The following CELF2 variants were observed in gnomAD, a reference collection of about 807,000 sequenced individuals.
CELF2 encodes CUG triplet repeat RNA-binding protein 2.
A neutral mutation model predicts 62.6 loss-of-function variants in CELF2; 8 were observed. The ratio of observed to expected loss-of-function variants is 0.13; its 90% confidence interval spans 0.07 to 0.23. The LOEUF is 0.23. Among genes scored for constraint, CELF2 ranks in the 10% least tolerant of loss-of-function variants. The pLI is 1.00. For synonymous variants in CELF2, 258 were observed against 250.0 expected (o/e 1.03, Z -0.30); for missense variants, 333 against 671.0 (o/e 0.50, Z 5.56).
At chr10:10,725,406 G>A in the CELF2 span, among the ~76,000 whole-genome samples, 2 of 152,170 alleles carry the variant, frequency 1.3e-5, no homozygotes, top group African/African-American at 2.4e-5. Flanking sequence ...GCAACAGTAC[G>A]GGATTGTGAC....
At chr10:10,799,065 T>C (rs1243801926) in intron 1 of CELF2, among the ~76,000 whole-genome samples, 2 of 152,128 alleles carry the variant, frequency 1.3e-5, no homozygotes, top group Admixed American at 1.3e-4. Flanking sequence ...GGGAGGACAG[T>C]CTTATTTAAA....
chr10:10,545,694 T>TACAA, the CELF2 span, among the ~76,000 whole-genome samples: 4 of 151,694 alleles, frequency 2.6e-5, no homozygotes, highest in Non-Finnish European at 5.9e-5. Flanking sequence ...AAATATACTA[T>TACAA]ACACACACAC....
chr10:10,761,687 G>C, the CELF2 span, among the ~76,000 whole-genome samples: 2 of 152,132 alleles, frequency 1.3e-5, no homozygotes, highest in Non-Finnish European at 2.9e-5. Context: ...TGGGACATTG[G>C]TCTTTTCCTA....
At chr10:10,818,733 T>A (rs558949589) in intron 1 of CELF2, among the ~76,000 whole-genome samples, 1 of 152,204 alleles carries the variant, frequency 6.6e-6, no homozygotes, top group African/African-American at 2.4e-5. Context: ...GCTGCCATCA[T>A]GCCTGGCCAA....
At position 11,223,904 on chromosome 10, in the gene CELF2, G is replaced by A. The variant is rs930932812; in HGVS notation, c.354+6397G>A. On this transcript the variant is annotated intron_variant, in intron 3 of 12. Transcript: ENST00000633077. The surrounding 1 kb of genome is among the most constrained non-coding windows in gnomAD (Gnocchi z 5.1). The stretch of plus-strand genomic sequence containing the variant: ...GCTTAATAAAAGGCCATTACAAATT[G>A]TCTATTTCACCCGCCATAAAGTTTT... 1.3e-5 allele frequency among the ~76,000 whole-genome samples: 2 copies of A among 152,092 alleles called. No individual in the cohort carries two copies. The highest frequency in any genetic ancestry group is 1.5e-5 in the Non-Finnish European group (1 of 68,010).
chr10:11,232,538 C>G lies in CELF2; in HGVS notation c.354+15031C>G, dbSNP rs183406929. Among the ~76,000 whole-genome samples, 5 of 152,124 alleles carry G rather than the reference C, an allele frequency of 3.3e-5. No individual in the cohort carries two copies. In the South Asian group the frequency reaches 1.0e-3, roughly 32 times the overall value. On this transcript the variant is annotated intron_variant, in intron 3 of 12. Transcript: ENST00000633077. ...TGAGCTCTGGACTCAGTCCAGTTGA[C>G]GAATGGTAAAATCTATGGCTCGGAA...
At chr10:11,119,868 C>CCCCCCG (rs1564820249) in intron 1 of CELF2, among the ~76,000 whole-genome samples, 2 of 130,770 alleles carry the variant, frequency 1.5e-5, no homozygotes, top group African/African-American at 2.8e-5. Flanking sequence ...TCCGCCTCCC[C>CCCCCCG]CCCCCCGGCC....
intron 1 of CELF2, among the ~76,000 whole-genome samples, chr10:10,799,287 C>T (rs924721723): frequency 1.3e-5 from 2 of 151,674 alleles, no homozygotes; most frequent in Non-Finnish European, 2.9e-5. Flanking sequence ...CGAGACCAGC[C>T]TGGCCAACAT....
At chr10:11,286,289 G>A (rs1193725327) in intron 8 of CELF2, among the ~76,000 whole-genome samples, 10 of 152,238 alleles carry the variant, frequency 6.6e-5, no homozygotes, top group Admixed American at 6.5e-4. Flanking sequence ...CTAGAATGGT[G>A]GCTCTGCCTG....
intron 1 of CELF2, among the ~76,000 whole-genome samples, chr10:11,120,438 A>C (rs1380275361): frequency 6.6e-6 from 1 of 152,156 alleles, no homozygotes; most frequent in Non-Finnish European, 1.5e-5. Flanking sequence ...TGATTGTTGA[A>C]TAACAGAAAA....
At chr10:11,000,418 A>G (rs554861046), upstream of CELF2, among the ~76,000 whole-genome samples, 5 of 152,266 alleles carry the variant, frequency 3.3e-5, no homozygotes, top group South Asian at 4.2e-4. Flanking sequence ...ATGGTTTGCT[A>G]TTTATACATA....
chr10:10,704,525 T>C, the CELF2 span, among the ~76,000 whole-genome samples: 2 of 152,180 alleles, frequency 1.3e-5, no homozygotes, highest in African/African-American at 4.8e-5. Flanking sequence ...TAGTGAACAA[T>C]AATATAATAA....
Position 10,799,250 on chromosome 10 carries a change from G to A in CELF2, c.53+433G>A, listed in dbSNP as rs1445955749. Among the ~76,000 whole-genome samples the A allele has an allele frequency of 3.9e-5, 6 of 152,024 alleles. No individual in the cohort carries two copies. In the East Asian group the frequency reaches 5.8e-4, roughly 15 times the overall value. On this transcript the variant is annotated intron_variant, in intron 1 of 13. Transcript: ENST00000636488. Reference sequence around the variant, plus strand: ...ATCCCGCACTTTGGGACGCCAAGGTGGATGGATCCCTTTGAGGTCAGGAGT... The same window carrying A: ...ATCCCGCACTTTGGGACGCCAAGGTAGATGGATCCCTTTGAGGTCAGGAGT...
rs2065950276 is a variant in CELF2, at chr10:11,224,811, G to A, written c.354+7304G>A. On this transcript the variant is annotated intron_variant, in intron 3 of 12. Coordinates refer to ENST00000633077, the MANE Select transcript of CELF2 (RefSeq NM_001326342.2). The surrounding 1 kb of genome is among the most constrained non-coding windows in gnomAD (Gnocchi z 4.5). Reference sequence around the variant, plus strand: ...CCTGGAGCTTTAGGCCACACAAAAAGCATACAGCATGGGTAGATGTGGAGA... The same window carrying A: ...CCTGGAGCTTTAGGCCACACAAAAAACATACAGCATGGGTAGATGTGGAGA... Among the ~76,000 whole-genome samples, 1 of 152,154 alleles carries A rather than the reference G, an allele frequency of 6.6e-6. No individual in the cohort carries two copies. Among genetic ancestry groups the A allele is most frequent in the African/African-American group, 2.4e-5 (1 of 41,424 alleles).
upstream of CELF2, among the ~76,000 whole-genome samples, chr10:10,797,187 TC>T (rs1253108103): frequency 6.6e-5 from 10 of 152,072 alleles, no homozygotes; most frequent in Admixed American, 6.6e-4. Context: ...GAACAGAGAT[TC>T]TCTTTCTTAG....
intron 1 of CELF2, among the ~76,000 whole-genome samples, chr10:10,869,163 T>A (rs1030345625): frequency 6.6e-6 from 1 of 151,914 alleles, no homozygotes; most frequent in Admixed American, 6.6e-5. Context: ...TAGATAGGTC[T>A]AAAAAAAAGT....
At chr10:10,711,106 A>G in the CELF2 span, among the ~76,000 whole-genome samples, 4 of 152,268 alleles carry the variant, frequency 2.6e-5, no homozygotes, top group African/African-American at 9.6e-5. Flanking sequence ...TTCTGGATGC[A>G]ACAGCAGCAT....
chr10:10,502,165 G>A, the CELF2 span, among the ~76,000 whole-genome samples: 4 of 151,858 alleles, frequency 2.6e-5, no homozygotes, highest in Non-Finnish European at 4.4e-5. Flanking sequence ...TATTTGTCGT[G>A]TTTTATTAAG....
chr10:10,892,794 A>G (rs7085558), intron 1 of CELF2, among the ~76,000 whole-genome samples: 71,973 of 151,982 alleles, frequency 0.47, 17,763 homozygotes, highest in Middle Eastern at 0.6. Context: ...CCATGGAGGA[A>G]GGCATTGGGT....
Sources: gnomAD v4.1 joint callset for allele counts (sites outside exome capture counted in the v4.1 genomes callset) on GRCh38, gnomAD v4.1.1 for gene constraint, Gnocchi (gnomAD v3.1) non-coding constraint, MANE v1.5 for transcripts, NCBI Gene and HGNC (gene_info 2026-07-23, HGNC 2026-07-21) for gene names.